Variants in UGT1A10 observed in about 807,000 individuals in gnomAD.
The protein encoded by UGT1A10 is UDP glucuronosyltransferase family 1 member A10.
In UGT1A10, 49 loss-of-function variants were observed where a neutral mutation model predicts 45.8. That is an observed-to-expected ratio of 1.07 (90% CI 0.85 to 1.36). The LOEUF is 1.36. UGT1A10 is among the 40% of genes most tolerant of loss of function. The pLI, the probability that UGT1A10 is intolerant of heterozygous loss-of-function variation, is 0.00. For missense variants in UGT1A10, 745 were observed against 668.6 expected (o/e 1.11, Z -1.26); for synonymous variants, 284 against 249.7 (o/e 1.14, Z -1.29).
chr2:233,685,940 A>T (rs1027688022), intron 1 of UGT1A10, among the ~76,000 whole-genome samples: 1 of 152,222 alleles, frequency 6.6e-6, no homozygotes, highest in Non-Finnish European at 1.5e-5. Context: ...GTCTCAAAAA[A>T]GTCTTTTATA....
chr2:233,742,937 T>C (rs1692142343), intron 1 of UGT1A10: 1 of 214,468 alleles, frequency 4.7e-6, no homozygotes, highest in African/African-American at 2.4e-5. Context: ...CATTCTGTCC[T>C]ACCACTAGCA....
At chr2:233,752,961 T>G (rs1695097435) in intron 1 of UGT1A10, among the ~76,000 whole-genome samples, 1 of 152,248 alleles carries the variant, frequency 6.6e-6, no homozygotes, top group African/African-American at 2.4e-5. Context: ...ATGGGATTTA[T>G]GTAACCAATT....
intron 1 of UGT1A10, chr2:233,729,105 G>A (rs779665217): frequency 1.9e-6 from 3 of 1,612,662 alleles, no homozygotes; most frequent in East Asian, 4.5e-5. Context: ...TGGACAGTCA[G>A]CTGTCCGTGT....
rs957402531 is a variant in UGT1A10 at position 233,678,133 on chromosome 2, A to G, written c.855+40756A>G. Reference sequence around the variant, plus strand: ...CTAAATAGTGGGTACTTTTGGGCATAAAGATGGCAACAATAGACACTATGG... The same window carrying G: ...CTAAATAGTGGGTACTTTTGGGCATGAAGATGGCAACAATAGACACTATGG... On this transcript the variant is annotated intron_variant, in intron 1 of 4. Coordinates refer to ENST00000344644, the MANE Select transcript of UGT1A10 (RefSeq NM_019075.4). 1.4e-4 allele frequency among the ~76,000 whole-genome samples: 21 copies of G among 152,214 alleles called. 1 individual carries two copies. Among genetic ancestry groups the G allele is most frequent in the Admixed American group, 1.3e-4 (2 of 15,280 alleles).
In UGT1A10 at chr2:233,767,159, T is replaced by G. The variant is rs1291449017; in HGVS notation, c.981T>G (p.Pro327=). 1.2e-6 allele frequency: 2 copies of G among 1,613,988 alleles called. No homozygotes were observed. Among genetic ancestry groups the G allele is most frequent in the East Asian group, 4.5e-5 (2 of 44,876 alleles). ...TTGCTGATGCTTTGGGCAAAATCCCTCAGACAGTAAGAAGATTCTATACCA... is the reference window on the plus strand; with the variant it reads ...TTGCTGATGCTTTGGGCAAAATCCCGCAGACAGTAAGAAGATTCTATACCA... ...MAIADALGKI[P]QTVLWRYTGT... Residue 327 remains proline (P), a synonymous_variant, in exon 2 of 5, where the codon CCT becomes CCG. Coordinates refer to ENST00000344644, the MANE Select transcript of UGT1A10 (RefSeq NM_019075.4).
At chr2:233,700,606 T>G (rs189379558) in intron 1 of UGT1A10, among the ~76,000 whole-genome samples, 23 of 152,322 alleles carry the variant, frequency 1.5e-4, no homozygotes, top group Admixed American at 4.6e-4. Flanking sequence ...TTCACTCTTT[T>G]TTTGGGGGGG....
At chr2:233,703,124 C>T (rs1256494808) in intron 1 of UGT1A10, among the ~76,000 whole-genome samples, 1 of 152,146 alleles carries the variant, frequency 6.6e-6, no homozygotes, top group Non-Finnish European at 1.5e-5. Flanking sequence ...AATCTTTTTA[C>T]CTGTTATGGC....
At position 233,659,680 on chromosome 2, in the gene UGT1A10, A is replaced by G. The variant is rs74401574; in HGVS notation, c.855+22303A>G. On this transcript the variant is annotated intron_variant, in intron 1 of 4. Coordinates refer to ENST00000344644, the MANE Select transcript of UGT1A10 (RefSeq NM_019075.4). ...GCACTCGATTTAACTTAATGGAAAT[A>G]CATCATAATTACTGTCTGACATTTT... 8.5e-5 allele frequency among the ~76,000 whole-genome samples: 13 copies of G among 152,292 alleles called. No homozygotes were observed. The East Asian group carries it at 2.5e-3, about 29-fold the overall frequency.
chr2:233,695,130 C>CTTTCTTTTTTTT (rs1364557158), intron 1 of UGT1A10, among the ~76,000 whole-genome samples: 3 of 138,838 alleles, frequency 2.2e-5, no homozygotes, highest in Admixed American at 7.1e-5. Flanking sequence ...CTTTTCTTTT[C>CTTTCTTTTTTTT]TTTTTTTTTT....
At chr2:233,737,494 C>T (rs1180844627) in intron 1 of UGT1A10, among the ~76,000 whole-genome samples, 1 of 152,208 alleles carries the variant, frequency 6.6e-6, no homozygotes, top group South Asian at 2.1e-4. Context: ...AGGGAAATCC[C>T]TCACCCTCTT....
intron 1 of UGT1A10, chr2:233,756,419 A>G (rs760544825): frequency 6.6e-6 from 1 of 151,366 alleles, no homozygotes; most frequent in Non-Finnish European, 1.5e-5. Context: ...TATTATTTGT[A>G]CTGTTTTTTT....
At position 233,637,286 on chromosome 2, in the gene UGT1A10, C is replaced by A; in HGVS notation, c.764C>A (p.Thr255Lys). The change falls in exon 1 of 5, where the codon ACG (threonine) becomes AAG (lysine). Residue 255 changes from threonine (T) to lysine (K), a missense_variant. Coordinates refer to ENST00000344644, the MANE Select transcript of UGT1A10 (RefSeq NM_019075.4). ...YSHTSIWLLR[T>K]DFVLDYPKPV... ...CACACATCAATTTGGTTGTTGCGAA[C>A]GGACTTTGTTTTGGACTATCCCAAA... 1.2e-6 allele frequency: 2 copies of A among 1,613,944 alleles called. No individual in the cohort carries two copies. Among genetic ancestry groups the A allele is most frequent in the Non-Finnish European group, 8.5e-7 (1 of 1,179,860 alleles).
chr2:233,722,844 T>C (rs1216132787), intron 1 of UGT1A10, among the ~76,000 whole-genome samples: 6 of 105,740 alleles, frequency 5.7e-5, no homozygotes, highest in African/African-American at 3.6e-4. Flanking sequence ...TAAGAATGTT[T>C]CTTTTTTTTT....
At chr2:233,743,553 T>G in intron 1 of UGT1A10, 1 of 1,367,178 alleles carries the variant, frequency 7.3e-7, no homozygotes. Flanking sequence ...CCCCCCAAAA[T>G]ATTCTCCAGC....
intron 1 of UGT1A10, chr2:233,760,440 G>A (rs1697447579): frequency 6.2e-7 from 1 of 1,614,228 alleles, no homozygotes; most frequent in Non-Finnish European, 8.5e-7. Flanking sequence ...AGCAGCTGCA[G>A]CAGAGGGGAC....
At chr2:233,639,247 T>C (rs2073384264) in intron 1 of UGT1A10, among the ~76,000 whole-genome samples, 1 of 152,238 alleles carries the variant, frequency 6.6e-6, no homozygotes, top group South Asian at 2.1e-4. Flanking sequence ...TATTAAAGAA[T>C]ATACACATGT....
At chr2:233,735,700 G>A (rs940691560) in intron 1 of UGT1A10, among the ~76,000 whole-genome samples, 1 of 151,948 alleles carries the variant, frequency 6.6e-6, no homozygotes, top group African/African-American at 2.4e-5. Context: ...TGTAAGGCAG[G>A]CCTGGTGGTG....
intron 1 of UGT1A10, chr2:233,682,441 C>A: frequency 6.2e-7 from 1 of 1,613,824 alleles, no homozygotes. Flanking sequence ...CTGTGGTCTT[C>A]GCCAGGGGAA....
chr2:233,692,976 T>C (rs550082813), intron 1 of UGT1A10: 3 of 1,612,736 alleles, frequency 1.9e-6, no homozygotes, highest in Admixed American at 1.7e-5. Context: ...AAACTCTTTA[T>C]TACCGTTGTT....
Sources: gnomAD v4.1 joint callset for allele counts (sites outside exome capture counted in the v4.1 genomes callset) on GRCh38, gnomAD v4.1.1 for gene constraint, MANE v1.5 for transcripts, NCBI Gene and HGNC (gene_info 2026-07-23, HGNC 2026-07-21) for gene names.